RNF220: variants seen among roughly 807,000 people sequenced by gnomAD.
The protein encoded by RNF220 is ring finger protein 220.
RNF220 carries 7 observed loss-of-function variants against 67.1 expected under a neutral mutation model. That is an observed-to-expected ratio of 0.10 (90% CI 0.06 to 0.20). The LOEUF (loss-of-function observed/expected upper bound fraction) is 0.20, where lower values mean the gene tolerates loss of function less well. Among genes scored for constraint, RNF220 ranks in the 10% least tolerant of loss-of-function variants. The pLI is 1.00. For synonymous variants in RNF220, 270 were observed against 283.2 expected, an observed-to-expected ratio of 0.95 and a Z score of 0.47; for missense variants, 565 against 740.3, an observed-to-expected ratio of 0.76 and a Z score of 2.75.
At chr1:44,529,337 A>T (rs1017897341) in intron 2 of RNF220, among the ~76,000 whole-genome samples, 3 of 151,654 alleles carry the variant, frequency 2.0e-5, no homozygotes, top group Admixed American at 1.3e-4. Context: ...CATGGGAAAA[A>T]AAAAAGGAAT....
chr1:44,584,761 C>T (rs1474562486), intron 2 of RNF220, among the ~76,000 whole-genome samples: 3 of 152,182 alleles, frequency 2.0e-5, no homozygotes, highest in African/African-American at 7.2e-5. Context: ...TGCAGTGGCG[C>T]CATCTCAGCT....
intron 2 of RNF220, among the ~76,000 whole-genome samples, chr1:44,587,834 G>A (rs763747365): frequency 2.0e-5 from 3 of 152,250 alleles, no homozygotes; most frequent in African/African-American, 7.2e-5. Context: ...TAGACACAGT[G>A]CTTGCTCCAC....
intron 1 of RNF220, among the ~76,000 whole-genome samples, chr1:44,409,607 TA>T (rs568287912): frequency 5.3e-5 from 8 of 152,152 alleles, no homozygotes; most frequent in Non-Finnish European, 1.0e-4. Flanking sequence ...AGTGCTAAAT[TA>T]AAAAAAATCA....
chr1:44,417,570 A>ACGGC lies in RNF220; in HGVS notation c.625+4852_625+4855dup, dbSNP rs1488297681. On this transcript the variant is annotated intron_variant, in intron 2 of 14. Transcript: ENST00000361799. The surrounding 1 kb of genome is among the most constrained non-coding windows in gnomAD (Gnocchi z 4.0). ...CTCTGTGCGGCGGCTGCCTCCTCTT[A>ACGGC]CGGCCGGAATGCCTAATCACCATGG... Among the ~76,000 whole-genome samples the ACGGC allele has an allele frequency of 3.3e-5, 5 of 151,984 alleles. No homozygotes were observed. In the South Asian group the frequency reaches 1.0e-3, roughly 31 times the overall value.
intron 5 of RNF220, among the ~76,000 whole-genome samples, chr1:44,631,419 G>C (rs1190101655): frequency 6.6e-6 from 1 of 152,252 alleles, no homozygotes; most frequent in Non-Finnish European, 1.5e-5. Flanking sequence ...GCACACCTGA[G>C]TAGATAGTGG....
intron 5 of RNF220, among the ~76,000 whole-genome samples, chr1:44,629,255 A>G (rs972066978): frequency 9.2e-5 from 14 of 152,254 alleles, no homozygotes; most frequent in African/African-American, 3.1e-4. Context: ...ACCACTTTCT[A>G]TTAAGCAAAG....
intron 2 of RNF220, among the ~76,000 whole-genome samples, chr1:44,478,551 G>A (rs1471963347): frequency 3.3e-5 from 5 of 151,890 alleles, no homozygotes; most frequent in Admixed American, 1.3e-4. Flanking sequence ...GTGAAAGCCC[G>A]TCTCTACTAA....
At chr1:44,414,553 C>A (rs1395671439) in intron 2 of RNF220, among the ~76,000 whole-genome samples, 3 of 152,162 alleles carry the variant, frequency 2.0e-5, no homozygotes, top group Admixed American at 6.5e-5. Context: ...CCATTCCCCT[C>A]TGAGTGTCAA....
At chr1:44,582,963 G>A (rs1011488995) in intron 2 of RNF220, among the ~76,000 whole-genome samples, 3 of 151,948 alleles carry the variant, frequency 2.0e-5, no homozygotes, top group Non-Finnish European at 2.9e-5. Flanking sequence ...TCGAGATCAC[G>A]CCATTGCCCT....
chr1:44,622,706 G>C lies in RNF220; in HGVS notation c.759-36G>C. 3.7e-6 allele frequency: 6 copies of C among 1,605,114 alleles called. No homozygotes were observed. Among genetic ancestry groups the C allele is most frequent in the Non-Finnish European group, 5.1e-6 (6 of 1,171,892 alleles). ...TACCGTTGCATGCCCTGGGCAGCAG[G>C]TAGAATGGTTACCCTGTTCTCTTCT... On this transcript the variant is annotated intron_variant, in intron 3 of 14. Transcript: ENST00000361799. The surrounding 1 kb of genome is among the most constrained non-coding windows in gnomAD (Gnocchi z 4.3).
chr1:44,443,386 A>G (rs1440979800), intron 2 of RNF220, among the ~76,000 whole-genome samples: 1 of 152,154 alleles, frequency 6.6e-6, no homozygotes, highest in African/African-American at 2.4e-5. Flanking sequence ...CCCATAGTTC[A>G]TACTCTCCTG....
intron 2 of RNF220, among the ~76,000 whole-genome samples, chr1:44,447,246 A>G (rs1319573196): frequency 1.3e-5 from 2 of 152,244 alleles, no homozygotes; most frequent in Non-Finnish European, 2.9e-5. Context: ...TGATTCATAT[A>G]GCAGTTCAGT....
chr1:44,521,034 TACAGGTGTGCACC>T (rs1659896887), intron 2 of RNF220, among the ~76,000 whole-genome samples: 1 of 152,172 alleles, frequency 6.6e-6, no homozygotes, highest in South Asian at 2.1e-4. Flanking sequence ...TAACTAGGAC[TACAGGTGTGCACC>T]ACCATGCCCA....
intron 1 of RNF220, among the ~76,000 whole-genome samples, chr1:44,407,611 G>A (rs997252118): frequency 9.9e-5 from 15 of 152,070 alleles, no homozygotes. Flanking sequence ...GCCGGGGCCG[G>A]GCGCGGAGCG....
chr1:44,508,103 G>C (rs1045249012), intron 2 of RNF220, among the ~76,000 whole-genome samples: 1 of 151,374 alleles, frequency 6.6e-6, no homozygotes, highest in African/African-American at 2.4e-5. Context: ...GGTGGAGCAG[G>C]CTGGTTGAAT....
intron 2 of RNF220, among the ~76,000 whole-genome samples, chr1:44,447,993 C>A (rs1287648400): frequency 6.6e-6 from 1 of 152,176 alleles, no homozygotes; most frequent in South Asian, 2.1e-4. Context: ...CAGTCACATT[C>A]CCTTTAGTAT....
At chr1:44,444,912 G>A (rs1027262549) in intron 2 of RNF220, among the ~76,000 whole-genome samples, 2 of 152,194 alleles carry the variant, frequency 1.3e-5, no homozygotes, top group Non-Finnish European at 2.9e-5. Flanking sequence ...CCTGGGGAAA[G>A]TGTTTCTTCA....
chr1:44,644,814 G>A lies in RNF220; in HGVS notation c.1223+20G>A, dbSNP rs757981872. The A allele has an allele frequency of 6.3e-7, 1 of 1,590,132 alleles. No homozygotes were observed. Among genetic ancestry groups the A allele is most frequent in the South Asian group, 1.1e-5 (1 of 90,596 alleles). ...GCCACAGTATCCTTGGAGCACTATGGGGGCTGGTGGGGCTGATAGGGCAGG... is the reference window on the plus strand; with the variant it reads ...GCCACAGTATCCTTGGAGCACTATGAGGGCTGGTGGGGCTGATAGGGCAGG... On this transcript the variant is annotated intron_variant, in intron 9 of 14. Transcript: ENST00000361799.
chr1:44,540,052 C>A (rs1661554582), intron 2 of RNF220, among the ~76,000 whole-genome samples: 1 of 152,176 alleles, frequency 6.6e-6, no homozygotes, highest in African/African-American at 2.4e-5. Flanking sequence ...CACCACTGGG[C>A]CATGAGAAAT....
Sources: allele counts gnomAD v4.1 joint callset (sites outside exome capture counted in the v4.1 genomes callset), GRCh38; gene constraint gnomAD v4.1.1; non-coding constraint Gnocchi (gnomAD v3.1); transcripts MANE v1.5; gene names NCBI Gene and HGNC (gene_info 2026-07-23, HGNC 2026-07-21).